The following KATNIP variants were observed in gnomAD, a reference collection of about 807,000 sequenced individuals.
KATNIP encodes katanin-interacting protein.
A neutral mutation model predicts 174.0 loss-of-function variants in KATNIP; 126 were observed. The observed-to-expected ratio is 0.72, with a 90% CI of 0.63 to 0.84. KATNIP has a LOEUF of 0.84. KATNIP is among the 40% of genes least tolerant of loss of function. KATNIP has a pLI of 0.00. For missense variants in KATNIP, 1,958 were observed against 2,109.7 expected (o/e 0.93, Z 1.41); for synonymous variants, 810 against 835.7 (o/e 0.97, Z 0.53).
At position 27,622,038 on chromosome 16, in the gene KATNIP, C is replaced by T. The variant is rs1260832542; in HGVS notation, c.140+3537C>T. ...AGATGGCGCAGTCTACTGGCCGTTC[C>T]TTGGCCACCCCACTACATTGTGCAG... On this transcript the variant is annotated intron_variant, in intron 3 of 27. Transcript: ENST00000261588. 2.0e-5 allele frequency among the ~76,000 whole-genome samples: 3 copies of T among 152,084 alleles called. 1 individual carries two copies. Among genetic ancestry groups the T allele is most frequent in the East Asian group, 1.9e-4 (1 of 5,156 alleles).
Position 27,750,156 on chromosome 16 carries a change from C to A in KATNIP, c.3196C>A (p.His1066Asn). The change falls in exon 16 of 28, where the codon CAC (histidine) becomes AAC (asparagine). Residue 1066 changes from histidine to asparagine, a missense_variant. Transcript: ENST00000261588. ...CCACTCCATCACCATTGACTTCACG[C>A]ACCCTTGCCACGTTGCCCTGATCAG... is the stretch of plus-strand genomic sequence containing the variant. The part of the protein sequence containing the change: ...RSHSITIDFT[H>N]PCHVALIRIW... The A allele has an allele frequency of 1.2e-6, 2 of 1,614,182 alleles. No individual in the cohort carries two copies. The highest frequency in any genetic ancestry group is 2.2e-5 in the South Asian group (2 of 91,080).
intron 2 of KATNIP, among the ~76,000 whole-genome samples, chr16:27,578,375 G>C (rs2090574980): frequency 1.3e-5 from 2 of 152,096 alleles, no homozygotes; most frequent in South Asian, 4.1e-4. Flanking sequence ...GTCGACCCAG[G>C]TGCTTCTTTG....
chr16:27,556,126 C>CAA (rs113053015), intron 1 of KATNIP, among the ~76,000 whole-genome samples: 12 of 114,262 alleles, frequency 1.1e-4, no homozygotes, highest in East Asian at 2.5e-4. Flanking sequence ...GACTCTGTCT[C>CAA]AAAAAAAAAA....
At chr16:27,639,461 G>C (rs933078262) in intron 5 of KATNIP, among the ~76,000 whole-genome samples, 9 of 152,230 alleles carry the variant, frequency 5.9e-5, no homozygotes, top group Non-Finnish European at 1.2e-4. Context: ...CTAATCAACA[G>C]AGCCGTCGTT....
intron 2 of KATNIP, among the ~76,000 whole-genome samples, chr16:27,592,904 C>G (rs1200633666): frequency 6.6e-6 from 1 of 152,104 alleles, no homozygotes; most frequent in Admixed American, 6.5e-5. Context: ...ATTTATATTA[C>G]TCAGGACGTG....
chr16:27,756,598 A>C (rs2081738223), intron 18 of KATNIP, among the ~76,000 whole-genome samples: 1 of 152,208 alleles, frequency 6.6e-6, no homozygotes, highest in Non-Finnish European at 1.5e-5. Context: ...TCACATCAGA[A>C]GCCTGTGTGC....
intron 5 of KATNIP, among the ~76,000 whole-genome samples, chr16:27,633,684 T>C (rs192109772): frequency 7.9e-4 from 121 of 152,358 alleles, no homozygotes; most frequent in Admixed American, 2.1e-3. Context: ...TATAGTTAAA[T>C]GCTTTCATAC....
At chr16:27,712,501 CATG>C (rs1418274088) in intron 13 of KATNIP, among the ~76,000 whole-genome samples, 1 of 152,196 alleles carries the variant, frequency 6.6e-6, no homozygotes, top group Non-Finnish European at 1.5e-5. Flanking sequence ...AGGCCATGCG[CATG>C]GCTGATAGAG....
chr16:27,719,442 G>T (rs543247463), intron 13 of KATNIP, among the ~76,000 whole-genome samples: 1 of 150,614 alleles, frequency 6.6e-6, no homozygotes, highest in South Asian at 2.1e-4. Flanking sequence ...GTGCCATCTT[G>T]GCTCACTGCA....
chr16:27,670,613 G>A (rs570541005), intron 6 of KATNIP, among the ~76,000 whole-genome samples: 34 of 152,162 alleles, frequency 2.2e-4, no homozygotes, highest in African/African-American at 8.0e-4. Flanking sequence ...TTCCAGCATC[G>A]AGTGCTGCTG....
Position 27,627,725 on chromosome 16 carries a change from T to C in KATNIP, c.141-936T>C, listed in dbSNP as rs536204799. Among the ~76,000 whole-genome samples, 611 of 152,360 alleles carry C rather than the reference T, an allele frequency of 4.0e-3. 2 individuals carry two copies. The highest frequency in any genetic ancestry group is 6.7e-3 in the Non-Finnish European group (459 of 68,036). On this transcript the variant is annotated intron_variant, in intron 3 of 27. Transcript: ENST00000261588. The stretch of plus-strand genomic sequence containing the variant: ...CTATTATTTTTTAAAATTTAAATTT[T>C]GCTAATTTGATTGGCACTTATTTAA...
At chr16:27,655,400 A>ATTATTTAT (rs557649469) in intron 6 of KATNIP, among the ~76,000 whole-genome samples, 1,507 of 148,680 alleles carry the variant, frequency 0.01, 24 homozygotes, top group African/African-American at 0.032. Context: ...TGTCCAGCCA[A>ATTATTTAT]TTATTTATTT....
At chr16:27,686,860 AAACTCT>A (rs934768279) in intron 8 of KATNIP, among the ~76,000 whole-genome samples, 1 of 152,188 alleles carries the variant, frequency 6.6e-6, no homozygotes, top group African/African-American at 2.4e-5. Flanking sequence ...AGTATCTTAC[AAACTCT>A]AACTCTATTT....
At chr16:27,605,266 C>A (rs2075664219) in intron 2 of KATNIP, among the ~76,000 whole-genome samples, 1 of 152,048 alleles carries the variant, frequency 6.6e-6, no homozygotes, top group Non-Finnish European at 1.5e-5. Context: ...CTTTGTGAGT[C>A]TGAAAGATAA....
chr16:27,766,200 A>T, intron 19 of KATNIP, 109 bp from the exon 20 acceptor site: 1 of 1,116,224 alleles, frequency 9.0e-7, no homozygotes, highest in South Asian at 1.5e-5. Context: ...CAGCCAGGCT[A>T]GTGCCAGGCA....
intron 1 of KATNIP, among the ~76,000 whole-genome samples, chr16:27,569,732 A>G (rs970699146): frequency 1.1e-4 from 17 of 152,340 alleles, no homozygotes; most frequent in Admixed American, 8.5e-4. Context: ...AGAAAGGCTC[A>G]GTGGTGTGAG....
In KATNIP at chr16:27,704,122, GC is replaced by G. The variant is rs535809357; in HGVS notation, c.1389+133del. The G allele has an allele frequency of 1.4e-3, 954 of 667,452 alleles. 1 individual carries two copies. Among genetic ancestry groups the G allele is most frequent in the African/African-American group, 4.5e-3 (248 of 54,990 alleles). The allele number at this position is 667,452 out of a possible 1,614,324, so 41.3% of individuals were successfully genotyped here. ...GCATCTCTCTGCCTGTGTTTCCACC[GC>G]CCCCCCCCTCCCTGGCACACAGAGG... is the stretch of plus-strand genomic sequence containing the variant. On this transcript the variant is annotated intron_variant, in intron 12 of 27. Transcript: ENST00000261588.
intron 4 of KATNIP, among the ~76,000 whole-genome samples, chr16:27,629,444 A>T (rs2076425306): frequency 6.6e-6 from 1 of 152,170 alleles, no homozygotes; most frequent in South Asian, 2.1e-4. Flanking sequence ...TTCACTTAGT[A>T]TGTTTTAACT....
chr16:27,707,108 C>G (rs1238602961), intron 12 of KATNIP, among the ~76,000 whole-genome samples: 1 of 152,176 alleles, frequency 6.6e-6, no homozygotes, highest in African/African-American at 2.4e-5. Context: ...CAAGGCCCCT[C>G]CAAACACACA....
Sources: gnomAD v4.1 joint callset for allele counts (sites outside exome capture counted in the v4.1 genomes callset) on GRCh38, gnomAD v4.1.1 for gene constraint, MANE v1.5 for transcripts, NCBI Gene and HGNC (gene_info 2026-07-23, HGNC 2026-07-21) for gene names.